Variants in SLC1A3 observed in about 807,000 individuals in gnomAD.
SLC1A3 encodes the protein excitatory amino acid transporter 1.
SLC1A3 carries 21 observed loss-of-function variants against 48.1 expected under a neutral mutation model. That is an observed-to-expected ratio of 0.44 (90% CI 0.31 to 0.63). The LOEUF is 0.63. Ranked by LOEUF, SLC1A3 falls within the 20% of genes least tolerant of loss-of-function variation. The pLI is 0.08. For missense variants in SLC1A3, 546 were observed against 689.0 expected (o/e 0.79, Z 2.32); for synonymous variants, 239 against 251.4 (o/e 0.95, Z 0.47).
At position 36,619,084 on chromosome 5, in the gene SLC1A3, AC is replaced by A. The variant is rs1739561650; in HGVS notation, c.182-10362del. Among the ~76,000 whole-genome samples, 3 of 152,240 alleles carry A rather than the reference AC, an allele frequency of 2.0e-5. 1 individual carries two copies. Among genetic ancestry groups the A allele is most frequent in the African/African-American group, 7.2e-5 (3 of 41,540 alleles). ...TCACCCAGGGCTCTCTCATTTGGGC[AC>A]CCCTGGTGGAACAAGGCTGGGGCAG... On this transcript the variant is annotated intron_variant, in intron 2 of 9. Transcript: ENST00000265113.
intron 3 of SLC1A3, among the ~76,000 whole-genome samples, chr5:36,666,722 ATATTT>A (rs1486428526): frequency 6.6e-6 from 1 of 152,232 alleles, no homozygotes; most frequent in African/African-American, 2.4e-5. Flanking sequence ...GACTGAATGT[ATATTT>A]TATTTATCCA....
At chr5:36,627,175 G>A (rs929677987) in intron 2 of SLC1A3, among the ~76,000 whole-genome samples, 27 of 151,882 alleles carry the variant, frequency 1.8e-4, no homozygotes, top group African/African-American at 6.5e-4. Context: ...ACACACGTAC[G>A]TACCTAGACT....
chr5:36,640,909 A>G (rs1286759144), intron 3 of SLC1A3, among the ~76,000 whole-genome samples: 1 of 152,118 alleles, frequency 6.6e-6, no homozygotes, highest in Non-Finnish European at 1.5e-5. Context: ...TTGAAAGCAA[A>G]GGAAACATAA....
chr5:36,670,718 A>T, intron 3 of SLC1A3: 1 of 430,504 alleles, frequency 2.3e-6, no homozygotes, highest in South Asian at 2.1e-5. Context: ...ACTAACAGTA[A>T]CCTAGGAAAC....
intron 3 of SLC1A3, among the ~76,000 whole-genome samples, chr5:36,631,525 A>G (rs1740133448): frequency 6.6e-6 from 1 of 152,222 alleles, no homozygotes; most frequent in Admixed American, 6.5e-5. Context: ...TTAAAGAGAA[A>G]AGAATTATAA....
At chr5:36,645,222 G>A (rs1740787128) in intron 3 of SLC1A3, among the ~76,000 whole-genome samples, 1 of 150,818 alleles carries the variant, frequency 6.6e-6, no homozygotes, top group South Asian at 2.1e-4. Flanking sequence ...TCTGCAAGGA[G>A]AGCCCCTCAA....
At chr5:36,604,722 AG>A (rs1738854707), upstream of SLC1A3, among the ~76,000 whole-genome samples, 1 of 152,212 alleles carries the variant, frequency 6.6e-6, no homozygotes, top group Non-Finnish European at 1.5e-5. Context: ...AAAGGGCACC[AG>A]GGTCTTCCCA....
intron 3 of SLC1A3, among the ~76,000 whole-genome samples, chr5:36,663,354 T>C (rs1220414394): frequency 6.6e-6 from 1 of 150,572 alleles, no homozygotes; most frequent in Non-Finnish European, 1.5e-5. Flanking sequence ...TAGCTGGGAT[T>C]ACAGGCATGC....
At chr5:36,615,067 C>A (rs2111690015) in intron 2 of SLC1A3, among the ~76,000 whole-genome samples, 1 of 152,264 alleles carries the variant, frequency 6.6e-6, no homozygotes, top group African/African-American at 2.4e-5. Context: ...GTTTACAAAG[C>A]ACTTTCTGTT....
rs1742700616 is a variant in SLC1A3, at chr5:36,687,504, A to G, written c.*1235A>G. On this transcript the variant is annotated 3_prime_UTR_variant, in exon 10 of 10. Transcript: ENST00000265113. ...AGTCTGCTTACCAAAACATAAGACG[A>G]CTTATATATTTGAAAGAAGTCAAAT... 1 of 152,190 alleles carries G rather than the reference A, an allele frequency of 6.6e-6. No homozygotes were observed. The highest frequency in any genetic ancestry group is 6.5e-5 in the Admixed American group (1 of 15,286). 9.4% of individuals were successfully genotyped at this position (152,190 alleles called of 1,614,324 possible).
chr5:36,666,821 T>TTCCC (rs770398070), intron 3 of SLC1A3, among the ~76,000 whole-genome samples: 3 of 152,176 alleles, frequency 2.0e-5, no homozygotes, highest in Non-Finnish European at 4.4e-5. Context: ...TTCCAAAACA[T>TTCCC]TCCCTCTCTG....
Position 36,671,042 on chromosome 5 carries a change from A to G in SLC1A3, c.333A>G (p.Leu111=), listed in dbSNP as rs763115300. 3.3e-5 allele frequency: 53 copies of G among 1,613,816 alleles called. No homozygotes were observed. The highest frequency in any genetic ancestry group is 4.4e-5 in the Non-Finnish European group (52 of 1,179,846). Residue 111 remains leucine, a synonymous_variant, in exon 4 of 10, where the codon CTA becomes CTG. Transcript: ENST00000265113. ...TGCCTCCACCAGGAATGGCGGCGCT[A>G]GATAGTAAGGCATCAGGGAAGATGG... The part of the protein sequence containing the change: ...ISSLVTGMAA[L]DSKASGKMGM...
At chr5:36,661,736 C>A (rs998074667) in intron 3 of SLC1A3, among the ~76,000 whole-genome samples, 7 of 152,232 alleles carry the variant, frequency 4.6e-5, no homozygotes, top group Admixed American at 2.6e-4. Flanking sequence ...TCATATATTG[C>A]TTTCAACTTC....
At chr5:36,630,488 G>C (rs145962863) in intron 3 of SLC1A3, 1 of 152,336 alleles carries the variant, frequency 6.6e-6, no homozygotes, top group East Asian at 1.9e-4. Flanking sequence ...TGTAGGTAAA[G>C]CTCAGAACTC....
chr5:36,622,057 CTG>C (rs889726287), intron 2 of SLC1A3, among the ~76,000 whole-genome samples: 34 of 152,326 alleles, frequency 2.2e-4, no homozygotes, highest in Non-Finnish European at 2.9e-5. Flanking sequence ...GCTATCAACA[CTG>C]TGATTTTCCT....
chr5:36,667,189 T>A (rs78567437), intron 3 of SLC1A3, among the ~76,000 whole-genome samples: 5,918 of 152,302 alleles, frequency 0.039, 138 homozygotes, highest in Middle Eastern at 0.095. Flanking sequence ...CCATTAAACA[T>A]GCTCTGGGCT....
chr5:36,608,939 A>C, intron 2 of SLC1A3: 4 of 1,041,496 alleles, frequency 3.8e-6, no homozygotes, highest in Non-Finnish European at 4.6e-6. Context: ...TTTGGCCAAA[A>C]TGTAATTATA....
At chr5:36,618,770 C>T (rs1739549022) in intron 2 of SLC1A3, among the ~76,000 whole-genome samples, 1 of 152,164 alleles carries the variant, frequency 6.6e-6, no homozygotes, top group African/African-American at 2.4e-5. Context: ...CCAGTTTCTA[C>T]TTGTTCATAA....
At chr5:36,638,914 T>C (rs11957945) in intron 3 of SLC1A3, 83,585 of 152,024 alleles carry the variant, frequency 0.55, 23,979 homozygotes, top group Non-Finnish European at 0.63. Flanking sequence ...GATCCACCCG[T>C]CTCGGCCTCC....
Sources: gnomAD v4.1 joint callset for allele counts (sites outside exome capture counted in the v4.1 genomes callset) on GRCh38, gnomAD v4.1.1 for gene constraint, MANE v1.5 for transcripts, NCBI Gene and HGNC (gene_info 2026-07-23, HGNC 2026-07-21) for gene names.